Variants in MDGA2 observed in about 807,000 individuals in gnomAD.
The protein encoded by MDGA2 is MAM domain-containing glycosylphosphatidylinositol anchor protein 2.
In MDGA2, 40 loss-of-function variants were observed where a neutral mutation model predicts 117.8. The observed-to-expected ratio is 0.34, with a 90% CI of 0.26 to 0.44. The LOEUF (loss-of-function observed/expected upper bound fraction) is 0.44, where lower values mean the gene tolerates loss of function less well. Among genes scored for constraint, MDGA2 ranks in the 20% least tolerant of loss-of-function variants. The probability of loss-of-function intolerance (pLI) is 1.00; values close to 1 mark genes in which losing one functional copy is unlikely to be tolerated. For missense variants in MDGA2, 1,123 were observed against 1,250.6 expected (o/e 0.90, Z 1.54); for synonymous variants, 452 against 439.0 (o/e 1.03, Z -0.37).
At chr14:47,268,357 G>A (rs1449066156) in intron 2 of MDGA2, among the ~76,000 whole-genome samples, 1 of 152,130 alleles carries the variant, frequency 6.6e-6, no homozygotes, top group Non-Finnish European at 1.5e-5. Context: ...TTATAGGCAT[G>A]AGCCAGTGCG....
At chr14:47,273,363 C>G (rs1020192074) in intron 2 of MDGA2, among the ~76,000 whole-genome samples, 2 of 152,098 alleles carry the variant, frequency 1.3e-5, no homozygotes, top group Non-Finnish European at 2.9e-5. Context: ...TTTAGTGGTT[C>G]AGTCCAGCTC....
chr14:47,119,100 G>C (rs1337017402), intron 5 of MDGA2, among the ~76,000 whole-genome samples: 1 of 143,142 alleles, frequency 7.0e-6, no homozygotes, highest in Non-Finnish European at 1.5e-5. Flanking sequence ...GCCCAGGCTG[G>C]AGTGCAGTGG....
At position 47,280,985 on chromosome 14, in the gene MDGA2, T is replaced by C. The variant is rs1888469093; in HGVS notation, c.420+20426A>G. ...GGTATATATGATATAATAAAATATA[T>C]AATTAATATATTATATATGGTATAT... On this transcript the variant is annotated intron_variant, in intron 2 of 16. Coordinates refer to ENST00000399232, the MANE Select transcript of MDGA2 (RefSeq NM_001113498.3). 2.0e-5 allele frequency among the ~76,000 whole-genome samples: 3 copies of C among 147,618 alleles called. No homozygotes were observed. In the South Asian group the frequency reaches 6.3e-4, roughly 31 times the overall value.
chr14:46,976,355 C>G (rs1231836576), intron 8 of MDGA2, among the ~76,000 whole-genome samples: 1 of 151,838 alleles, frequency 6.6e-6, no homozygotes, highest in African/African-American at 2.4e-5. Flanking sequence ...GAAATTGAAC[C>G]AACATTACTG....
At chr14:47,623,570 T>C (rs1003571806) in intron 1 of MDGA2, among the ~76,000 whole-genome samples, 34 of 152,206 alleles carry the variant, frequency 2.2e-4, no homozygotes, top group African/African-American at 8.2e-4. Flanking sequence ...TAAGGGGGTA[T>C]TACTACTTTA....
In MDGA2 at chr14:47,349,879, C is replaced by G. The variant is rs146174415; in HGVS notation, c.281-48329G>C. ...CATGCATTAACCTGGCCCTCCTTTG[C>G]CTGCTGCCTTCCATGTGGCTCCAGC... On this transcript the variant is annotated intron_variant, in intron 1 of 16. Coordinates refer to ENST00000399232, the MANE Select transcript of MDGA2 (RefSeq NM_001113498.3). Among the ~76,000 whole-genome samples, 11 of 152,292 alleles carry G rather than the reference C, an allele frequency of 7.2e-5. No individual in the cohort carries two copies. The East Asian group carries it at 2.1e-3, about 29-fold the overall frequency.
intron 1 of MDGA2, among the ~76,000 whole-genome samples, chr14:47,645,492 C>T (rs1485048060): frequency 1.3e-5 from 2 of 151,856 alleles, no homozygotes; most frequent in African/African-American, 4.8e-5. Context: ...CCTCGTCCTC[C>T]CAAAGTGCTG....
At chr14:47,285,339 T>C (rs556611879) in intron 2 of MDGA2, among the ~76,000 whole-genome samples, 1 of 150,646 alleles carries the variant, frequency 6.6e-6, no homozygotes, top group African/African-American at 2.4e-5. Flanking sequence ...TGATTTTTTT[T>C]CCTTTTCTAA....
At chr14:47,588,257 TATATACACAC>T (rs1444145113) in intron 1 of MDGA2, among the ~76,000 whole-genome samples, 17 of 98,666 alleles carry the variant, frequency 1.7e-4, no homozygotes, top group African/African-American at 5.4e-4. Flanking sequence ...TATATATATA[TATATACACAC>T]ACACACACAC....
chr14:46,897,481 G>A (rs979092909), intron 10 of MDGA2, among the ~76,000 whole-genome samples: 16 of 151,958 alleles, frequency 1.1e-4, no homozygotes, highest in African/African-American at 2.7e-4. Context: ...GCACAATATC[G>A]TAGATTGATT....
chr14:47,597,355 C>A (rs148557798), intron 1 of MDGA2, among the ~76,000 whole-genome samples: 3 of 151,952 alleles, frequency 2.0e-5, no homozygotes, highest in African/African-American at 7.2e-5. Flanking sequence ...TTCAGTAAAA[C>A]TGAAGTCAAT....
intron 6 of MDGA2, among the ~76,000 whole-genome samples, chr14:47,062,332 G>T (rs188968873): frequency 6.6e-6 from 1 of 151,902 alleles, no homozygotes; most frequent in African/African-American, 2.4e-5. Context: ...AGGTCTAAAG[G>T]CAGTGCTGTT....
At chr14:47,639,105 T>C (rs1180292741) in intron 1 of MDGA2, among the ~76,000 whole-genome samples, 1 of 152,196 alleles carries the variant, frequency 6.6e-6, no homozygotes, top group Non-Finnish European at 1.5e-5. Context: ...AGGAACCTCC[T>C]GCCATTTTTC....
intron 1 of MDGA2, among the ~76,000 whole-genome samples, chr14:47,307,086 A>G (rs908397060): frequency 1.3e-5 from 2 of 152,182 alleles, no homozygotes; most frequent in Non-Finnish European, 2.9e-5. Flanking sequence ...AACATGTTAC[A>G]TTTAGCTAAT....
At chr14:47,193,369 A>G (rs1443679199) in intron 3 of MDGA2, among the ~76,000 whole-genome samples, 1 of 152,106 alleles carries the variant, frequency 6.6e-6, no homozygotes, top group Non-Finnish European at 1.5e-5. Context: ...AATCTTACCT[A>G]TTGTCTCATA....
chr14:47,337,689 T>TG (rs964273610), intron 1 of MDGA2, among the ~76,000 whole-genome samples: 21 of 151,448 alleles, frequency 1.4e-4, no homozygotes, highest in African/African-American at 4.6e-4. Flanking sequence ...AAAGAGAAAA[T>TG]GGGGGGGATA....
chr14:47,432,922 T>A (rs1892827500), intron 1 of MDGA2, among the ~76,000 whole-genome samples: 1 of 151,998 alleles, frequency 6.6e-6, no homozygotes, highest in South Asian at 2.1e-4. Context: ...TTAATATAAT[T>A]TCATTGATTC....
intron 3 of MDGA2, among the ~76,000 whole-genome samples, chr14:47,180,008 T>C (rs1884633835): frequency 7.3e-6 from 1 of 136,728 alleles, no homozygotes; most frequent in African/African-American, 2.5e-5. Flanking sequence ...TATTTTATTC[T>C]TATTCTATTC....
intron 1 of MDGA2, among the ~76,000 whole-genome samples, chr14:47,405,524 T>C (rs1892243108): frequency 6.6e-6 from 1 of 152,224 alleles, no homozygotes; most frequent in African/African-American, 2.4e-5. Flanking sequence ...GCAATGTTAC[T>C]ATTCCTCGCT....
Sources: allele counts gnomAD v4.1 joint callset (sites outside exome capture counted in the v4.1 genomes callset), GRCh38; gene constraint gnomAD v4.1.1; transcripts MANE v1.5; gene names NCBI Gene and HGNC (gene_info 2026-07-23, HGNC 2026-07-21).